The following NME9 variants were observed in gnomAD, a reference collection of about 807,000 sequenced individuals.
NME9 encodes the protein thioredoxin domain-containing protein 6.
NME9 carries 48 observed loss-of-function variants against 44.4 expected under a neutral mutation model. The observed-to-expected ratio is 1.08, with a 90% CI of 0.86 to 1.37. The LOEUF (loss-of-function observed/expected upper bound fraction) is 1.37, where lower values mean the gene tolerates loss of function less well. NME9 is among the 40% of genes most tolerant of loss of function. The pLI, the probability that NME9 is intolerant of heterozygous loss-of-function variation, is 0.00. For missense variants in NME9, 325 were observed against 405.2 expected, an observed-to-expected ratio of 0.80 and a Z score of 1.70; for synonymous variants, 139 against 147.1, an observed-to-expected ratio of 0.94 and a Z score of 0.40.
intron 8 of NME9, chr3:138,288,968 C>A: frequency 8.6e-7 from 1 of 1,159,754 alleles, no homozygotes; most frequent in Non-Finnish European, 1.3e-6. Flanking sequence ...TAGGAATTGG[C>A]TATGGTAGGT....
intron 4 of NME9, among the ~76,000 whole-genome samples, chr3:138,316,283 CAT>C (rs1334764464): frequency 1.3e-5 from 2 of 152,268 alleles, no homozygotes; most frequent in African/African-American, 4.8e-5. Flanking sequence ...GTGGCTTACA[CAT>C]GATTTATTCA....
At chr3:138,264,870 G>C (rs967899155) in intron 8 of NME9, among the ~76,000 whole-genome samples, 5 of 149,390 alleles carry the variant, frequency 3.3e-5, no homozygotes, top group African/African-American at 1.2e-4. Context: ...ATAATGTGTT[G>C]TTCTTAGTCT....
chr3:138,279,503 G>A (rs2049658552), intron 8 of NME9, among the ~76,000 whole-genome samples: 1 of 152,142 alleles, frequency 6.6e-6, no homozygotes, highest in Admixed American at 6.5e-5. Context: ...TTGATGAATA[G>A]TTTTTTAATA....
At chr3:138,298,919 AATC>A (rs1242416075), downstream of NME9, among the ~76,000 whole-genome samples, 2 of 152,142 alleles carry the variant, frequency 1.3e-5, no homozygotes, top group African/African-American at 4.8e-5. Context: ...GAGAGGGAAT[AATC>A]ATGGTGGGAA....
chr3:138,264,957 G>A (rs1327923011), intron 8 of NME9, among the ~76,000 whole-genome samples: 1 of 151,572 alleles, frequency 6.6e-6, no homozygotes, highest in Non-Finnish European at 1.5e-5. Context: ...GAGTGCAGTG[G>A]CTCAGTCATG....
At chr3:138,275,476 G>A (rs917843986) in intron 8 of NME9, among the ~76,000 whole-genome samples, 5 of 152,048 alleles carry the variant, frequency 3.3e-5, no homozygotes, top group Admixed American at 2.0e-4. Flanking sequence ...GGAGAATGGC[G>A]TGAACCTGGG....
chr3:138,283,669 T>C (rs2050141646), intron 8 of NME9, among the ~76,000 whole-genome samples: 1 of 152,162 alleles, frequency 6.6e-6, no homozygotes, highest in Admixed American at 6.5e-5. Flanking sequence ...ATTATCTTAA[T>C]TTTTGCCTCC....
intron 8 of NME9, among the ~76,000 whole-genome samples, chr3:138,273,369 G>A (rs148833876): frequency 1.1e-3 from 165 of 152,328 alleles, no homozygotes; most frequent in African/African-American, 3.9e-3. Context: ...TGGAACAGAG[G>A]AAAACATGAC....
At chr3:138,305,148 G>T in intron 8 of NME9, 121 bp from the exon 9 acceptor site, 1 of 910,516 alleles carries the variant, frequency 1.1e-6, no homozygotes, top group Non-Finnish European at 1.7e-6. Flanking sequence ...CTACCAGCCA[G>T]CATGCCCGTG....
At chr3:138,262,729 G>T in intron 8 of NME9, 1 of 851,350 alleles carries the variant, frequency 1.2e-6, no homozygotes, top group Non-Finnish European at 1.7e-6. Flanking sequence ...GGACAACCAA[G>T]GTTAAGATCT....
At chr3:138,285,429 CTT>C (rs1184314101) in intron 8 of NME9, among the ~76,000 whole-genome samples, 4 of 152,144 alleles carry the variant, frequency 2.6e-5, no homozygotes, top group African/African-American at 9.7e-5. Flanking sequence ...TTATTCCTCT[CTT>C]CCTTTGTTCA....
chr3:138,324,819 C>T, intron 2 of NME9, 54 bp downstream of exon 2: 1 of 1,362,236 alleles, frequency 7.3e-7, no homozygotes, highest in Non-Finnish European at 1.0e-6. Context: ...TTCATCACAC[C>T]ATTTAATAAT....
At chr3:138,285,115 C>T (rs540887330) in intron 8 of NME9, among the ~76,000 whole-genome samples, 1 of 152,348 alleles carries the variant, frequency 6.6e-6, no homozygotes, top group South Asian at 2.1e-4. Flanking sequence ...GAGTTAACAA[C>T]TGCAGAGAAA....
chr3:138,263,813 T>G, intron 8 of NME9: 2 of 1,613,944 alleles, frequency 1.2e-6, no homozygotes, highest in Non-Finnish European at 1.7e-6. Flanking sequence ...TGCGGTTAGC[T>G]GCCGTCAGGT....
At chr3:138,262,351 CTA>C (rs1285571721) in exon 9 of NME9, 14 of 668,424 alleles carry the variant, frequency 2.1e-5, no homozygotes, top group African/African-American at 1.8e-4. Flanking sequence ...GTTTTGGAAA[CTA>C]AAACACCAGA....
rs929232404 is a variant in NME9, at chr3:138,301,074, T to C, written c.*566A>G. The C allele has an allele frequency of 3.1e-5, 30 of 971,882 alleles. No homozygotes were observed. Among genetic ancestry groups the C allele is most frequent in the South Asian group, 9.5e-5 (2 of 21,010 alleles). The allele number at this position is 971,882 out of a possible 1,614,324, so 60.2% of individuals were successfully genotyped here. A position where few individuals can be genotyped will look rare whatever the true frequency, so the allele number is the denominator to read the frequency against. The stretch of plus-strand genomic sequence containing the variant: ...CCAGTATCCTCTGAGATGACACTTA[T>C]ATCTCACAACAGGATGTAATAACTG... On this transcript the variant is annotated 3_prime_UTR_variant, in exon 11 of 11. Transcript: ENST00000333911.
chr3:138,292,054 C>G (rs913903530), intron 8 of NME9, among the ~76,000 whole-genome samples: 1 of 151,174 alleles, frequency 6.6e-6, no homozygotes, highest in Non-Finnish European at 1.5e-5. Flanking sequence ...TCTTTTCTTT[C>G]GAGATGGAGT....
At chr3:138,320,515 T>C (rs1025519933) in intron 2 of NME9, among the ~76,000 whole-genome samples, 2 of 152,220 alleles carry the variant, frequency 1.3e-5, no homozygotes, top group African/African-American at 4.8e-5. Context: ...CAATTTGTGA[T>C]TTTACTTATT....
downstream of NME9, among the ~76,000 whole-genome samples, chr3:138,298,872 C>G (rs779567927): frequency 2.0e-5 from 3 of 152,200 alleles, no homozygotes; most frequent in Non-Finnish European, 4.4e-5. Context: ...AGGACACCTG[C>G]GCCAGAGTGG....
Sources: allele counts gnomAD v4.1 joint callset (sites outside exome capture counted in the v4.1 genomes callset), GRCh38; gene constraint gnomAD v4.1.1; transcripts MANE v1.5; gene names NCBI Gene and HGNC (gene_info 2026-07-23, HGNC 2026-07-21).